Variants in NPHP3 observed in about 807,000 individuals in gnomAD.
NPHP3 encodes nephrocystin 3, also known as nephrocystin-3.
In NPHP3, 123 loss-of-function variants were observed where a neutral mutation model predicts 171.9. The ratio of observed to expected loss-of-function variants is 0.72; its 90% CI spans 0.62 to 0.83. The LOEUF is 0.83. NPHP3 is among the 40% of genes least tolerant of loss of function. The pLI, the probability that NPHP3 is intolerant of heterozygous loss-of-function variation, is 0.00. For missense variants in NPHP3, 1,506 were observed against 1,591.9 expected (o/e 0.95, Z 0.92); for synonymous variants, 558 against 579.2 (o/e 0.96, Z 0.52).
chr3:132,713,257 G>A lies in NPHP3; in HGVS notation c.987C>T (p.Cys329=), dbSNP rs138124482. The A allele has an allele frequency of 1.7e-5, 27 of 1,601,528 alleles. No homozygotes were observed. The highest frequency in any genetic ancestry group is 1.7e-4 in the Middle Eastern group (1 of 6,022). The stretch of plus-strand genomic sequence containing the variant: ...CATGGAAAAAATATCCCATTGTCTC[G>A]CACATTCTCTTAAGTTTAGGTGAAT... The part of the protein sequence containing the change: ...KDYSPKLKRM[C]ETMGYFFHAV... The change falls in exon 6 of 27, where the codon TGC becomes TGT. Residue 329 remains cysteine, a synonymous_variant. Coordinates refer to ENST00000337331, the MANE Select transcript of NPHP3 (RefSeq NM_153240.5).
intron 3 of NPHP3, 43 bp downstream of exon 3, chr3:132,718,951 A>G: frequency 6.2e-7 from 1 of 1,600,712 alleles, no homozygotes; most frequent in Non-Finnish European, 8.6e-7. Context: ...ATGTCATTAC[A>G]GCCATGTTGA....
At chr3:132,701,366 T>C in intron 10 of NPHP3, 64 bp downstream of exon 10, 2 of 1,154,492 alleles carry the variant, frequency 1.7e-6, no homozygotes, top group Admixed American at 1.7e-5. Context: ...ATGCAATACA[T>C]TTTGTTGAAT....
At chr3:132,710,271 A>G (rs1939873228) in intron 6 of NPHP3, among the ~76,000 whole-genome samples, 1 of 152,102 alleles carries the variant, frequency 6.6e-6, no homozygotes, top group African/African-American at 2.4e-5. Flanking sequence ...GGCATAATGA[A>G]GAAAGTTCAA....
At chr3:132,696,662 G>T (rs1939460936) in intron 15 of NPHP3, 69 bp downstream of exon 15, 1 of 1,352,500 alleles carries the variant, frequency 7.4e-7, no homozygotes, top group Non-Finnish European at 1.1e-6. Flanking sequence ...TCTCAGTTTT[G>T]CAGGGTGAGA....
chr3:132,713,077 C>T, intron 6 of NPHP3, 49 bp downstream of exon 6: 1 of 999,568 alleles, frequency 1.0e-6, no homozygotes. Context: ...AAACTCAATT[C>T]TATTTACAGT....
At chr3:132,693,262 A>C (rs1256625753) in intron 16 of NPHP3, 1 of 197,220 alleles carries the variant, frequency 5.1e-6, no homozygotes, top group Non-Finnish European at 1.0e-5. Flanking sequence ...CAGAGTGTAA[A>C]GGGCTGGAAC....
intron 13 of NPHP3, among the ~76,000 whole-genome samples, chr3:132,698,633 G>C (rs1939521046): frequency 6.6e-6 from 1 of 152,036 alleles, no homozygotes; most frequent in Non-Finnish European, 1.5e-5. Flanking sequence ...AATAACAGGT[G>C]TCTATTATTC....
At position 132,722,254 on chromosome 3, in the gene NPHP3, C is replaced by T. The variant is rs1236417349; in HGVS notation, c.102G>A (p.Val34=). Residue 34 remains valine, a synonymous_variant, in exon 1 of 27, where the codon GTG becomes GTA. Coordinates refer to ENST00000337331, the MANE Select transcript of NPHP3 (RefSeq NM_153240.5). ...TGCGCAGCAGGCGGGCCTTGGGCTT[C>T]ACCTCCACCGGGATCTCGCAGGCCT... ...GGEACEIPVE[V]KPKARLLRNS... is the part of the protein sequence containing the mutation. 1 of 1,573,286 alleles carries T rather than the reference C, an allele frequency of 6.4e-7. No individual in the cohort carries two copies. The highest frequency in any genetic ancestry group is 1.1e-5 in the South Asian group (1 of 88,402).
In NPHP3 at chr3:132,691,659, C is replaced by A. The variant is rs1192196234; in HGVS notation, c.2476-373G>T. Among the ~76,000 whole-genome samples the A allele has an allele frequency of 2.0e-5, 3 of 152,250 alleles. No homozygotes were observed. In the East Asian group the frequency reaches 5.8e-4, roughly 29 times the overall value. The stretch of plus-strand genomic sequence containing the variant: ...ATCTACAAATATGATACAGCATACT[C>A]AAATGTAAGACTTCATTTACAATTG... On this transcript the variant is annotated intron_variant, in intron 17 of 26. Coordinates refer to ENST00000337331, the MANE Select transcript of NPHP3 (RefSeq NM_153240.5).
In NPHP3 at chr3:132,722,381, T is replaced by A. The variant is rs918278525; in HGVS notation, c.-26A>T. 2 of 1,568,508 alleles carry A rather than the reference T, an allele frequency of 1.3e-6. No individual in the cohort carries two copies. The highest frequency in any genetic ancestry group is 2.8e-5 in the African/African-American group (2 of 70,934). On this transcript the variant is annotated 5_prime_UTR_variant, in exon 1 of 27. Coordinates refer to ENST00000337331, the MANE Select transcript of NPHP3 (RefSeq NM_153240.5). ...GGCGTCCGTTGCCGCTACTACCTAG[T>A]GAGTACCAGCAGGACTGGGCAGCGG... is the stretch of plus-strand genomic sequence containing the variant.
intron 15 of NPHP3, among the ~76,000 whole-genome samples, chr3:132,696,297 T>C (rs1939452148): frequency 7.2e-6 from 1 of 139,294 alleles, no homozygotes; most frequent in African/African-American, 3.0e-5. Context: ...TACTAATGGA[T>C]ATCTAAAATA....
chr3:132,719,081 T>C lies in NPHP3; in HGVS notation c.583A>G (p.Ser195Gly). 1 of 1,614,026 alleles carries C rather than the reference T, an allele frequency of 6.2e-7. No homozygotes were observed. The highest frequency in any genetic ancestry group is 2.2e-5 in the East Asian group (1 of 44,884). ...TGAGCCTGTAGCCTCTGAAGTTTGC[T>C]CTCCAACTCCCTCTTGGCCCTCAGT... ...DLLRAKRELE[S>G]KLQRLQAQGI... Residue 195 changes from serine (S) to glycine (G), a missense_variant, in exon 3 of 27, where the codon AGC (serine) becomes GGC (glycine). Physicochemically the swap from Ser to Gly is moderately conservative, Grantham distance 56 (BLOSUM62 0). Around this residue, in one of 3 missense-constraint regions of NPHP3, gnomAD observed 930 missense variants for 924.9 expected, o/e 1.01. Coordinates refer to ENST00000337331, the MANE Select transcript of NPHP3 (RefSeq NM_153240.5).
At chr3:132,697,400 TACA>T in intron 13 of NPHP3, 38 bp from the exon 14 acceptor site, 1 of 1,333,824 alleles carries the variant, frequency 7.5e-7, no homozygotes, top group Non-Finnish European at 1.1e-6. Flanking sequence ...ATTTTAATAA[TACA>T]ACAAGAACTG....
At position 132,713,140 on chromosome 3, in the gene NPHP3, G is replaced by C; in HGVS notation, c.1104C>G (p.His368Gln). 1 of 1,456,916 alleles carries C rather than the reference G, an allele frequency of 6.9e-7. No individual in the cohort carries two copies. Among genetic ancestry groups the C allele is most frequent in the African/African-American group, 1.4e-5 (1 of 71,156 alleles). 90.2% of individuals were successfully genotyped at this position (1,456,916 alleles called of 1,614,324 possible). Reference sequence around the variant, plus strand: ...TTTCAGCTTACCTTGGTAATGTTAAGTGAATAAATAAAATAACTAAAGAAC... The same window carrying C: ...TTTCAGCTTACCTTGGTAATGTTAACTGAATAAATAAAATAACTAAAGAAC... ...EKSSLVILFI[H>Q]LTLPSLLLED... The change falls in exon 6 of 27, where the codon CAC becomes CAG. Residue 368 changes from histidine (H) to glutamine (Q), a missense_variant. His to Gln is a conservative substitution (Grantham distance 24, BLOSUM62 0). Coordinates refer to ENST00000337331, the MANE Select transcript of NPHP3 (RefSeq NM_153240.5).
At position 132,690,546 on chromosome 3, in the gene NPHP3, G is replaced by T. The variant is rs1375679387; in HGVS notation, c.2675C>A (p.Ser892Tyr). The change falls in exon 19 of 27, where the codon TCT becomes TAT. Residue 892 changes from serine (S) to tyrosine (Y), a missense_variant. By Grantham distance (144) the Ser-to-Tyr change is moderately radical. Transcript: ENST00000337331. ...LHDCLLNLFVSQNLYKRGHFA... is the reference protein window; with the variant it reads ...LHDCLLNLFVYQNLYKRGHFA... ...TTCTTACCTTTTATAAAGGTTTTGAGACACAAAGAGATTAAGAAGGCAATC... is the reference window on the plus strand; with the variant it reads ...TTCTTACCTTTTATAAAGGTTTTGATACACAAAGAGATTAAGAAGGCAATC... 1.2e-6 allele frequency: 2 copies of T among 1,613,200 alleles called. No individual in the cohort carries two copies. Among genetic ancestry groups the T allele is most frequent in the Non-Finnish European group, 1.7e-6 (2 of 1,179,400 alleles).
At chr3:132,707,950 C>T in intron 7 of NPHP3, 151 bp downstream of exon 7, 5 of 719,930 alleles carry the variant, frequency 6.9e-6, no homozygotes, top group Non-Finnish European at 1.2e-5. Flanking sequence ...CAATGAGGCC[C>T]CCTCTCCTCC....
chr3:132,708,553 C>T (rs560939728), intron 6 of NPHP3, among the ~76,000 whole-genome samples: 1 of 152,290 alleles, frequency 6.6e-6, no homozygotes, highest in East Asian at 1.9e-4. Flanking sequence ...CTCAAAAATA[C>T]TCTTAAACTT....
rs112623967 is a variant in NPHP3, at chr3:132,686,992, T to C, written c.3201+159A>G. On this transcript the variant is annotated intron_variant, in intron 22 of 26. Transcript: ENST00000337331. Reference sequence around the variant, plus strand: ...GTCTAAATTGTACTTCTCAGTAATATGATATTTTAACACATAAATAAGAAA... The same window carrying C: ...GTCTAAATTGTACTTCTCAGTAATACGATATTTTAACACATAAATAAGAAA... Among the ~76,000 whole-genome samples, 183 of 152,300 alleles carry C rather than the reference T, an allele frequency of 1.2e-3. 1 individual carries two copies. The highest frequency in any genetic ancestry group is 3.8e-3 in the African/African-American group (157 of 41,572).
At position 132,719,283 on chromosome 3, in the gene NPHP3, C is replaced by T. The variant is rs2108003052; in HGVS notation, c.520-139G>A. On this transcript the variant is annotated intron_variant, in intron 2 of 26. Coordinates refer to ENST00000337331, the MANE Select transcript of NPHP3 (RefSeq NM_153240.5). Reference sequence around the variant, plus strand: ...TTTCCTCTTTCATAGGGTGAATGTCCTAGTACCTTTACCTTACTGTTTTGC... The same window carrying T: ...TTTCCTCTTTCATAGGGTGAATGTCTTAGTACCTTTACCTTACTGTTTTGC... 3 of 700,360 alleles carry T rather than the reference C, an allele frequency of 4.3e-6. No individual in the cohort carries two copies. The South Asian group carries it at 5.8e-5, about 14-fold the overall frequency. The allele number at this position is 700,360 out of a possible 1,614,324, so 43.4% of individuals were successfully genotyped here. A position where few individuals can be genotyped will look rare whatever the true frequency, so the allele number is the denominator to read the frequency against.
Sources: allele counts gnomAD v4.1 joint callset (sites outside exome capture counted in the v4.1 genomes callset), GRCh38; gene constraint gnomAD v4.1.1; regional missense constraint gnomAD v4.1.1; transcripts MANE v1.5; gene names NCBI Gene and HGNC (gene_info 2026-07-23, HGNC 2026-07-21).